ST7L: variants seen among roughly 807,000 people sequenced by gnomAD.
ST7L encodes the protein suppression of tumorigenicity 7 like.
In ST7L, 57 loss-of-function variants were observed where a neutral mutation model predicts 72.5. That is an observed-to-expected ratio of 0.79 (90% CI 0.64 to 0.98). The LOEUF (loss-of-function observed/expected upper bound fraction) is 0.98, where lower values mean the gene tolerates loss of function less well. Ranked by LOEUF, ST7L falls within the 50% of genes least tolerant of loss-of-function variation. The pLI, the probability that ST7L is intolerant of heterozygous loss-of-function variation, is 0.00. For synonymous variants in ST7L, 221 were observed against 240.9 expected (o/e 0.92, Z 0.77); for missense variants, 576 against 672.2 (o/e 0.86, Z 1.58).
At chr1:112,561,968 C>CT (rs35922454) in intron 11 of ST7L, among the ~76,000 whole-genome samples, 23,677 of 136,758 alleles carry the variant, frequency 0.17, 2,488 homozygotes, top group East Asian at 0.45. Flanking sequence ...TAAAACTTTA[C>CT]TTTTTTTTTT....
intron 14 of ST7L, chr1:112,527,278 G>A (rs891473186): frequency 1.3e-5 from 2 of 152,296 alleles, no homozygotes; most frequent in African/African-American, 4.8e-5. Context: ...GCCCCTACTT[G>A]AGCTAGGAGA....
chr1:112,540,378 T>A (rs1195102431), intron 14 of ST7L: 3 of 985,356 alleles, frequency 3.0e-6, no homozygotes, highest in Non-Finnish European at 3.6e-6. Flanking sequence ...GTAAGGTCAT[T>A]TCAGTTTGAG....
chr1:112,568,163 C>T (rs1451766278), intron 11 of ST7L, among the ~76,000 whole-genome samples: 1 of 152,044 alleles, frequency 6.6e-6, no homozygotes, highest in African/African-American at 2.4e-5. Context: ...CTAATGAATA[C>T]ATCTAGCAGG....
intron 3 of ST7L, among the ~76,000 whole-genome samples, chr1:112,610,204 T>C (rs555287781): frequency 6.6e-6 from 1 of 152,250 alleles, no homozygotes; most frequent in Admixed American, 6.5e-5. Flanking sequence ...AGGGAAGTAG[T>C]GACCTTACCC....
intron 9 of ST7L, among the ~76,000 whole-genome samples, 185 bp from the exon 10 acceptor site, chr1:112,578,602 C>G (rs1227722379): frequency 1.3e-5 from 2 of 151,732 alleles, no homozygotes; most frequent in Admixed American, 1.3e-4. Flanking sequence ...GGAGAAACCC[C>G]GTCTCTATTA....
Position 112,599,093 on chromosome 1 carries a change from T to A in ST7L, c.507-1007A>T, listed in dbSNP as rs1189986144. The stretch of plus-strand genomic sequence containing the variant: ...AAAAAAATATATATATATATATATA[T>A]ATATATATATATATATATGTGGATG... On this transcript the variant is annotated intron_variant, in intron 4 of 14. Transcript: ENST00000358039. Among the ~76,000 whole-genome samples, 217 of 77,668 alleles carry A rather than the reference T, an allele frequency of 2.8e-3. 6 individuals are homozygous for A. The highest frequency in any genetic ancestry group is 0.015 in the South Asian group (43 of 2,818). 51.0% of individuals were successfully genotyped at this position (77,668 alleles called of 152,430 possible). A position where few individuals can be genotyped will look rare whatever the true frequency, so the allele number is the denominator to read the frequency against.
chr1:112,603,006 C>T (rs1486440123), intron 3 of ST7L, among the ~76,000 whole-genome samples: 5 of 143,662 alleles, frequency 3.5e-5, no homozygotes, highest in Non-Finnish European at 6.2e-5. Context: ...GCAGCCACCG[C>T]GCCCGGCCCC....
intron 14 of ST7L, chr1:112,540,670 C>A: frequency 2.5e-6 from 3 of 1,177,826 alleles, no homozygotes; most frequent in Non-Finnish European, 2.1e-6. Flanking sequence ...AGAAAAAAGC[C>A]AACTAATCTT....
At chr1:112,581,442 A>G (rs957794200) in intron 9 of ST7L, among the ~76,000 whole-genome samples, 2 of 145,828 alleles carry the variant, frequency 1.4e-5, no homozygotes, top group African/African-American at 5.1e-5. Flanking sequence ...TCTGTCGCCT[A>G]GGCTGGACTA....
At chr1:112,539,688 A>G in intron 14 of ST7L, 1 of 983,034 alleles carries the variant, frequency 1.0e-6, no homozygotes, top group Non-Finnish European at 1.2e-6. Flanking sequence ...AAGAAAAAGA[A>G]AAGAAAGCTG....
At chr1:112,618,677 G>A in intron 1 of ST7L, 2 of 844,590 alleles carry the variant, frequency 2.4e-6, no homozygotes, top group African/African-American at 1.7e-5. Flanking sequence ...GGAAAAACGA[G>A]GACATAAGAG....
intron 4 of ST7L, 45 bp from the exon 5 acceptor site, chr1:112,598,131 C>A: frequency 7.2e-7 from 1 of 1,379,338 alleles, no homozygotes; most frequent in Non-Finnish European, 1.0e-6. Flanking sequence ...CATGAGAGAG[C>A]ATCTATCTGC....
At chr1:112,546,680 C>T (rs1003104539) in intron 13 of ST7L, among the ~76,000 whole-genome samples, 9 of 152,112 alleles carry the variant, frequency 5.9e-5, no homozygotes, top group Non-Finnish European at 1.0e-4. Context: ...CTTATGAAGT[C>T]CAAATATAAT....
intron 2 of ST7L, 145 bp from the exon 3 acceptor site, chr1:112,611,148 G>T: frequency 4.2e-6 from 3 of 711,722 alleles, no homozygotes; most frequent in South Asian, 2.4e-5. Context: ...ACAAACACAA[G>T]ATTCACCAAT....
At position 112,616,822 on chromosome 1, in the gene ST7L, T is replaced by C. The variant is rs1173625396; in HGVS notation, c.279A>G (p.Gly93=). The change falls in exon 2 of 15, where the codon GGA becomes GGG. Residue 93 remains glycine (G), a synonymous_variant. Transcript: ENST00000358039. ...AATGGAAACTACTTACAAATATTAG[T>C]CCTGATATCAATGAAGAGGTCCCTG... ...ALTGTSSLIS[G]LIFIFEWWYF... is the part of the protein sequence containing the mutation. The C allele has an allele frequency of 1.3e-6, 2 of 1,598,406 alleles. No homozygotes were observed. The highest frequency in any genetic ancestry group is 1.7e-6 in the Non-Finnish European group (2 of 1,171,850).
At position 112,583,993 on chromosome 1, in the gene ST7L, G is replaced by A. The variant is rs750131264; in HGVS notation, c.835C>T (p.Pro279Ser). Residue 279 changes from proline (P) to serine (S), a missense_variant, in exon 7 of 15, where the codon CCT (proline) becomes TCT (serine). By Grantham distance (74) the Pro-to-Ser change is moderately conservative (BLOSUM62 -1). Around this residue, in one of 3 missense-constraint regions of ST7L, gnomAD observed 511 missense variants for 600.7 expected, o/e 0.85. Coordinates refer to ENST00000358039, the MANE Select transcript of ST7L (RefSeq NM_017744.5). ...RQSQQCQHQS[P>S]QHEAQLRRDT... ...TTACTCAGTTGAGCTTCATGCTGAGGACTTTGGTGCTGGCACTGCTGTGAC... is the reference window on the plus strand; with the variant it reads ...TTACTCAGTTGAGCTTCATGCTGAGAACTTTGGTGCTGGCACTGCTGTGAC... 1.2e-6 allele frequency: 2 copies of A among 1,613,896 alleles called. No homozygotes were observed. The highest frequency in any genetic ancestry group is 1.3e-5 in the African/African-American group (1 of 74,908).
At chr1:112,533,600 C>A (rs1027572537) in intron 14 of ST7L, among the ~76,000 whole-genome samples, 2 of 152,130 alleles carry the variant, frequency 1.3e-5, no homozygotes, top group African/African-American at 4.8e-5. Context: ...AGGCGTGAAC[C>A]ACCACGCCCG....
chr1:112,568,193 C>T (rs564283448), intron 11 of ST7L, among the ~76,000 whole-genome samples: 1 of 152,200 alleles, frequency 6.6e-6, no homozygotes, highest in Non-Finnish European at 1.5e-5. Context: ...ATCTGTATCT[C>T]AGCAAGGTTT....
chr1:112,599,073 AATATATATATATATATATATATAT>A (rs71084479), intron 4 of ST7L, among the ~76,000 whole-genome samples: 1 of 57,002 alleles, frequency 1.8e-5, no homozygotes, highest in East Asian at 9.3e-4. Flanking sequence ...AAAAAAAAAA[AATATATATATATATATATATATAT>A]ATATATATAT....
Sources: gnomAD v4.1 joint callset for allele counts (sites outside exome capture counted in the v4.1 genomes callset) on GRCh38, gnomAD v4.1.1 for gene constraint, gnomAD v4.1.1 regional missense constraint, MANE v1.5 for transcripts, NCBI Gene and HGNC (gene_info 2026-07-23, HGNC 2026-07-21) for gene names.